Variants in SLCO6A1 observed in about 807,000 individuals in gnomAD.
SLCO6A1 encodes cancer/testis antigen 48.
Under a neutral mutation model 72.7 loss-of-function variants are expected in SLCO6A1, and 65 were observed. That is an observed-to-expected ratio of 0.89 (90% CI 0.73 to 1.10). SLCO6A1 has a LOEUF of 1.10. Among genes scored for constraint, SLCO6A1 ranks in the 50% least tolerant of loss-of-function variants. The pLI, the probability that SLCO6A1 is intolerant of heterozygous loss-of-function variation, is 0.00. For missense variants in SLCO6A1, 874 were observed against 872.6 expected (o/e 1.00, Z -0.02); for synonymous variants, 314 against 298.2 (o/e 1.05, Z -0.55).
intron 6 of SLCO6A1, among the ~76,000 whole-genome samples, chr5:102,446,420 G>A (rs1040220710): frequency 2.0e-5 from 3 of 152,098 alleles, no homozygotes; most frequent in African/African-American, 7.2e-5. Flanking sequence ...CATTGATTTT[G>A]TACCCTGAAA....
chr5:102,439,625 C>A (rs1415462295), intron 6 of SLCO6A1, among the ~76,000 whole-genome samples: 1 of 152,060 alleles, frequency 6.6e-6, no homozygotes, highest in African/African-American at 2.4e-5. Context: ...ACTTGTCTTG[C>A]CTTCAACTCT....
At chr5:102,453,407 A>G (rs1365657021) in intron 6 of SLCO6A1, among the ~76,000 whole-genome samples, 1 of 152,048 alleles carries the variant, frequency 6.6e-6, no homozygotes, top group Non-Finnish European at 1.5e-5. Context: ...GAACATTCTT[A>G]TAATAGTTTA....
In SLCO6A1 at chr5:102,459,641, A is replaced by G; in HGVS notation, c.1021+15T>C. On this transcript the variant is annotated intron_variant, in intron 5 of 13. Transcript: ENST00000506729. ...CTACTATCCTCCAATTTAATAAATT[A>G]CATTTTATAGTCACCTGGCATATTG... is the stretch of plus-strand genomic sequence containing the variant. The G allele has an allele frequency of 6.4e-7, 1 of 1,572,432 alleles. No individual in the cohort carries two copies. The highest frequency in any genetic ancestry group is 8.6e-7 in the Non-Finnish European group (1 of 1,165,976).
chr5:102,435,875 CA>C (rs1201565012), intron 7 of SLCO6A1, among the ~76,000 whole-genome samples: 1,790 of 106,434 alleles, frequency 0.017, 12 homozygotes, highest in African/African-American at 0.03. Context: ...AACTCCATCT[CA>C]AAAAAAAAAA....
intron 12 of SLCO6A1, among the ~76,000 whole-genome samples, chr5:102,388,343 A>AT (rs1484369640): frequency 2.0e-5 from 3 of 151,450 alleles, no homozygotes; most frequent in Non-Finnish European, 2.9e-5. Context: ...TTATTTTTTT[A>AT]TTTTTTGTTT....
At chr5:102,428,677 A>G (rs951212061) in intron 7 of SLCO6A1, among the ~76,000 whole-genome samples, 3 of 151,982 alleles carry the variant, frequency 2.0e-5, no homozygotes, top group African/African-American at 7.2e-5. Flanking sequence ...GGTAGGCTCC[A>G]GTGTCTGTTG....
At chr5:102,454,348 C>T (rs1031209337) in intron 6 of SLCO6A1, among the ~76,000 whole-genome samples, 2 of 152,186 alleles carry the variant, frequency 1.3e-5, no homozygotes, top group Non-Finnish European at 2.9e-5. Flanking sequence ...CTCAATAATT[C>T]TTGAATAAAT....
At chr5:102,448,300 C>G (rs1337329688) in intron 6 of SLCO6A1, among the ~76,000 whole-genome samples, 7 of 152,040 alleles carry the variant, frequency 4.6e-5, no homozygotes, top group Admixed American at 4.6e-4. Context: ...ATTGCGTGGT[C>G]AATTTTAGAG....
intron 1 of SLCO6A1, among the ~76,000 whole-genome samples, chr5:102,491,776 G>T (rs976565325): frequency 6.6e-6 from 1 of 152,242 alleles, no homozygotes; most frequent in Non-Finnish European, 1.5e-5. Context: ...GCCTTGGCCA[G>T]CCCAGAAAGG....
intron 4 of SLCO6A1, among the ~76,000 whole-genome samples, chr5:102,470,253 C>T (rs929278685): frequency 6.6e-6 from 1 of 152,042 alleles, no homozygotes; most frequent in African/African-American, 2.4e-5. Flanking sequence ...CTTCTTTGTA[C>T]CTCTGGTAGA....
intron 1 of SLCO6A1, 78 bp downstream of exon 1, chr5:102,498,409 C>T (rs1419497894): frequency 2.1e-6 from 3 of 1,407,158 alleles, no homozygotes; most frequent in Non-Finnish European, 1.9e-6. Context: ...GGGCGTCCTC[C>T]GCCATACTCC....
intron 7 of SLCO6A1, among the ~76,000 whole-genome samples, chr5:102,433,704 T>C (rs1292771417): frequency 6.6e-6 from 1 of 152,124 alleles, no homozygotes; most frequent in African/African-American, 2.4e-5. Flanking sequence ...AAGCACTTTG[T>C]AGGGCAGTGG....
At chr5:102,387,844 C>A (rs78993908) in intron 12 of SLCO6A1, among the ~76,000 whole-genome samples, 2,420 of 152,198 alleles carry the variant, frequency 0.016, 62 homozygotes, top group African/African-American at 0.055. Flanking sequence ...ACAATATCCT[C>A]ATTTAACAGA....
intron 1 of SLCO6A1, among the ~76,000 whole-genome samples, chr5:102,484,296 G>A (rs928714989): frequency 6.6e-6 from 1 of 152,092 alleles, no homozygotes; most frequent in Non-Finnish European, 1.5e-5. Context: ...TTGAGGGTTC[G>A]TTAGTTTGTT....
chr5:102,431,301 T>A (rs1008549349), intron 7 of SLCO6A1, among the ~76,000 whole-genome samples: 2 of 152,210 alleles, frequency 1.3e-5, no homozygotes, highest in Non-Finnish European at 2.9e-5. Context: ...CCTCTAGCTT[T>A]AGAATTGGTT....
chr5:102,475,270 A>C (rs746440595), intron 4 of SLCO6A1, among the ~76,000 whole-genome samples: 72 of 152,244 alleles, frequency 4.7e-4, no homozygotes, highest in Non-Finnish European at 9.7e-4. Flanking sequence ...TAAATGAAGA[A>C]GGATATCCTG....
rs144518432 is a variant in SLCO6A1, at chr5:102,408,034, C to G, written c.1626+4956G>C. 9.2e-3 allele frequency among the ~76,000 whole-genome samples: 1,400 copies of G among 152,156 alleles called. 12 individuals are homozygous for G. Among genetic ancestry groups the G allele is most frequent in the South Asian group, 0.034 (163 of 4,814 alleles). On this transcript the variant is annotated intron_variant, in intron 9 of 13. Coordinates refer to ENST00000506729, the MANE Select transcript of SLCO6A1 (RefSeq NM_173488.5). ...CTAAAATTGTGGTACAATAATCCCC[C>G]CTTATCCATGGGAAATACATTCCAA...
At chr5:102,421,950 C>T (rs1748631104) in intron 7 of SLCO6A1, among the ~76,000 whole-genome samples, 1 of 152,220 alleles carries the variant, frequency 6.6e-6, no homozygotes, top group Non-Finnish European at 1.5e-5. Flanking sequence ...TGCTGCTCTG[C>T]AGTCTCTGCT....
chr5:102,444,090 G>A (rs1023967887), intron 6 of SLCO6A1, among the ~76,000 whole-genome samples: 1 of 152,172 alleles, frequency 6.6e-6, no homozygotes. Context: ...TACTTAGTAA[G>A]AGTCTGAAAT....
Sources: gnomAD v4.1 joint callset for allele counts (sites outside exome capture counted in the v4.1 genomes callset) on GRCh38, gnomAD v4.1.1 for gene constraint, MANE v1.5 for transcripts, NCBI Gene and HGNC (gene_info 2026-07-23, HGNC 2026-07-21) for gene names.